Variants in XIRP2 observed in about 807,000 individuals in gnomAD.
XIRP2 encodes the protein xin actin-binding repeat-containing protein 2.
XIRP2 carries 236 observed loss-of-function variants against 277.0 expected under a neutral mutation model. The ratio of observed to expected loss-of-function variants is 0.85; its 90% CI spans 0.77 to 0.95. XIRP2 has a LOEUF of 0.95. Ranked by LOEUF, XIRP2 falls within the 40% of genes least tolerant of loss-of-function variation. The probability of loss-of-function intolerance (pLI) is 0.00; values close to 1 mark genes in which losing one functional copy is unlikely to be tolerated. For synonymous variants in XIRP2, 1,490 were observed against 1,416.5 expected (o/e 1.05, Z -1.17); for missense variants, 4,640 against 4,157.5 (o/e 1.12, Z -3.19).
Position 167,186,378 on chromosome 2 carries a change from C to A in XIRP2, c.563-24357C>A, listed in dbSNP as rs191041565. ...TTTTATTAGTAAGTATTATAGTAAA[C>A]AGCTTACAAATAGGCATTTTATATG... On this transcript the variant is annotated intron_variant, in intron 3 of 10. Coordinates refer to ENST00000409195, the MANE Select transcript of XIRP2 (RefSeq NM_152381.6). 1.9e-3 allele frequency among the ~76,000 whole-genome samples: 287 copies of A among 152,228 alleles called. 6 individuals are homozygous for A. The Middle Eastern group carries it at 0.024, about 13-fold the overall frequency.
chr2:167,131,507 C>A (rs963911960), intron 2 of XIRP2, among the ~76,000 whole-genome samples: 1 of 152,180 alleles, frequency 6.6e-6, no homozygotes, highest in African/African-American at 2.4e-5. Flanking sequence ...GCCTTCCAAC[C>A]TTTGTACTTC....
rs765673181 is a variant in XIRP2, at chr2:167,250,426, A to G, written c.9034A>G (p.Ile3012Val). 1 of 1,613,424 alleles carries G rather than the reference A, an allele frequency of 6.2e-7. No homozygotes were observed. Among genetic ancestry groups the G allele is most frequent in the Non-Finnish European group, 8.5e-7 (1 of 1,179,602 alleles). ...TAATTTAGAAAAAGTAAAAGAAGAA[A>G]TAACACATATTAAAACTCAAGCGGA... The part of the protein sequence containing the change: ...ENNLEKVKEE[I>V]THIKTQAEDM... Residue 3012 changes from isoleucine (I) to valine (V), a missense_variant, in exon 9 of 11, where the codon ATA becomes GTA. By Grantham distance (29) the Ile-to-Val change is conservative (BLOSUM62 3). Coordinates refer to ENST00000409195, the MANE Select transcript of XIRP2 (RefSeq NM_152381.6).
intron 3 of XIRP2, among the ~76,000 whole-genome samples, chr2:167,160,371 C>T (rs886597652): frequency 1.8e-4 from 27 of 152,152 alleles, no homozygotes; most frequent in African/African-American, 6.3e-4. Flanking sequence ...TTGTTGAAAA[C>T]TGGCATTATA....
chr2:167,015,464 T>C (rs1687800382), intron 2 of XIRP2, among the ~76,000 whole-genome samples: 1 of 130,742 alleles, frequency 7.6e-6, no homozygotes, highest in South Asian at 2.6e-4. Context: ...CTATCTATCA[T>C]ATTAAACTCA....
intron 2 of XIRP2, among the ~76,000 whole-genome samples, chr2:167,081,667 G>C (rs1366661326): frequency 6.6e-6 from 1 of 152,034 alleles, no homozygotes; most frequent in African/African-American, 2.4e-5. Context: ...TTAATTACTG[G>C]TCCAGAAGTC....
At chr2:166,927,068 C>T (rs1433115927) in intron 2 of XIRP2, among the ~76,000 whole-genome samples, 2 of 152,036 alleles carry the variant, frequency 1.3e-5, no homozygotes, top group Non-Finnish European at 2.9e-5. Context: ...TATTATTTTT[C>T]TGGGGCTATT....
intron 2 of XIRP2, among the ~76,000 whole-genome samples, chr2:167,048,603 A>G (rs1200157492): frequency 6.6e-6 from 1 of 151,824 alleles, no homozygotes; most frequent in Non-Finnish European, 1.5e-5. Flanking sequence ...TTCAAAGAAG[A>G]TTCACCTTAT....
rs1455161434 is a variant in XIRP2, at chr2:167,201,248, AAGAAAGAAAGAAAG to A, written c.563-9483_563-9470del. On this transcript the variant is annotated intron_variant, in intron 3 of 10. Transcript: ENST00000409195. ...AAAGAAAGAAAGAAAGAAAGAAAGA[AAGAAAGAAAGAAAG>A]AGAGAGGGAGAAAGGAAAGAAGGAA... 2.1e-3 allele frequency among the ~76,000 whole-genome samples: 163 copies of A among 75,914 alleles called. 4 individuals carry two copies. Among genetic ancestry groups the A allele is most frequent in the African/African-American group, 0.014 (148 of 10,844 alleles). The allele number at this position is 75,914 out of a possible 152,430, so 49.8% of individuals were successfully genotyped here. A position where few individuals can be genotyped will look rare whatever the true frequency, so the allele number is the denominator to read the frequency against.
intron 2 of XIRP2, among the ~76,000 whole-genome samples, chr2:167,050,194 A>G (rs1688882080): frequency 6.6e-6 from 1 of 152,060 alleles, no homozygotes; most frequent in African/African-American, 2.4e-5. Flanking sequence ...TGTAACTGCC[A>G]CAACCCTGGC....
At chr2:167,151,626 T>C (rs1292717062) in intron 3 of XIRP2, among the ~76,000 whole-genome samples, 1 of 152,158 alleles carries the variant, frequency 6.6e-6, no homozygotes, top group Non-Finnish European at 1.5e-5. Context: ...GGCCCAGAGT[T>C]TCTCAAATCA....
chr2:167,025,065 C>T (rs1261364061), intron 2 of XIRP2, among the ~76,000 whole-genome samples: 2 of 152,060 alleles, frequency 1.3e-5, no homozygotes, highest in South Asian at 2.1e-4. Context: ...TAGAATTCGG[C>T]TGTGAATCCA....
At position 166,927,220 on chromosome 2, in the gene XIRP2, G is replaced by C. The variant is rs977209404; in HGVS notation, c.408+23330G>C. ...CCAGGGAAAGACAATGGGAACGGAA[G>C]AGTAAAATGAGCACCACCTTAGGTT... On this transcript the variant is annotated intron_variant, in intron 2 of 10. Transcript: ENST00000409195. Among the ~76,000 whole-genome samples the C allele has an allele frequency of 2.2e-4, 33 of 152,092 alleles. 1 individual carries two copies. The highest frequency in any genetic ancestry group is 8.0e-4 in the African/African-American group (33 of 41,440).
chr2:167,223,529 A>G lies in XIRP2; in HGVS notation c.858+5229A>G, dbSNP rs574520547. On this transcript the variant is annotated intron_variant, in intron 5 of 10. Coordinates refer to ENST00000409195, the MANE Select transcript of XIRP2 (RefSeq NM_152381.6). ...TAAAAAACATTTTTGACAGCTTGTG[A>G]CAGATATAATCTGACTACTGTGTGT... Among the ~76,000 whole-genome samples, 30 of 152,326 alleles carry G rather than the reference A, an allele frequency of 2.0e-4. No homozygotes were observed. In the South Asian group the frequency reaches 6.2e-3, roughly 32 times the overall value.
At chr2:167,070,500 G>A (rs527537612) in intron 2 of XIRP2, among the ~76,000 whole-genome samples, 1 of 152,166 alleles carries the variant, frequency 6.6e-6, no homozygotes, top group African/African-American at 2.4e-5. Flanking sequence ...ACAGGATAGT[G>A]AAATTGAAAT....
intron 2 of XIRP2, among the ~76,000 whole-genome samples, chr2:167,017,478 C>G (rs1377504554): frequency 1.3e-5 from 2 of 151,990 alleles, no homozygotes; most frequent in Non-Finnish European, 2.9e-5. Context: ...TTTTTCTTCT[C>G]ACCTGATGGT....
intron 3 of XIRP2, among the ~76,000 whole-genome samples, chr2:167,175,663 G>A (rs577391723): frequency 3.3e-5 from 5 of 152,168 alleles, no homozygotes; most frequent in Non-Finnish European, 4.4e-5. Flanking sequence ...GAGCTTGAAC[G>A]CTGTCCTTGG....
At chr2:167,209,851 G>T (rs1277493835) in intron 3 of XIRP2, among the ~76,000 whole-genome samples, 1 of 152,046 alleles carries the variant, frequency 6.6e-6, no homozygotes, top group Non-Finnish European at 1.5e-5. Flanking sequence ...TTCACATAAG[G>T]AAACATTCAG....
At chr2:166,941,850 C>T (rs2105383619) in intron 2 of XIRP2, among the ~76,000 whole-genome samples, 1 of 152,224 alleles carries the variant, frequency 6.6e-6, no homozygotes, top group South Asian at 2.1e-4. Context: ...AGAATTCTGA[C>T]AAATATTTTT....
At chr2:167,110,190 T>G (rs1690716802) in intron 2 of XIRP2, among the ~76,000 whole-genome samples, 1 of 152,220 alleles carries the variant, frequency 6.6e-6, no homozygotes, top group African/African-American at 2.4e-5. Context: ...AGATCCTATT[T>G]GTTAATTTTT....
Sources: gnomAD v4.1 joint callset for allele counts (sites outside exome capture counted in the v4.1 genomes callset) on GRCh38, gnomAD v4.1.1 for gene constraint, MANE v1.5 for transcripts, NCBI Gene and HGNC (gene_info 2026-07-23, HGNC 2026-07-21) for gene names.